The following DYNC1I1 variants were observed in gnomAD, a reference collection of about 807,000 sequenced individuals.
DYNC1I1 encodes the protein cytoplasmic dynein 1 intermediate chain 1.
DYNC1I1 carries 43 observed loss-of-function variants against 86.6 expected under a neutral mutation model. The observed-to-expected ratio is 0.50, with a 90% CI of 0.39 to 0.64. DYNC1I1 has a LOEUF of 0.64. DYNC1I1 is among the 30% of genes least tolerant of loss of function. The pLI is 0.00. For synonymous variants in DYNC1I1, 262 were observed against 283.7 expected (o/e 0.92, Z 0.77); for missense variants, 604 against 788.8 (o/e 0.77, Z 2.81).
At chr7:96,091,693 A>G (rs964231030) in intron 16 of DYNC1I1, among the ~76,000 whole-genome samples, 3 of 152,226 alleles carry the variant, frequency 2.0e-5, no homozygotes, top group Non-Finnish European at 4.4e-5. Context: ...TTACTAAAAA[A>G]TGAGGAAGGT....
chr7:96,025,219 C>T (rs1260673095), intron 10 of DYNC1I1, among the ~76,000 whole-genome samples: 1 of 152,114 alleles, frequency 6.6e-6, no homozygotes, highest in African/African-American at 2.4e-5. Flanking sequence ...ACTACGTTAG[C>T]ATTTTTACAT....
At chr7:95,947,159 C>T (rs1792425274) in intron 6 of DYNC1I1, among the ~76,000 whole-genome samples, 1 of 152,144 alleles carries the variant, frequency 6.6e-6, no homozygotes. Context: ...CTATGAAGGA[C>T]AGTTTGTGAA....
At chr7:96,084,909 A>G (rs1339134675) in intron 16 of DYNC1I1, among the ~76,000 whole-genome samples, 1 of 152,160 alleles carries the variant, frequency 6.6e-6, no homozygotes, top group Non-Finnish European at 1.5e-5. Context: ...TTGGGGAAAG[A>G]TCTCTGAGAT....
At chr7:95,915,005 T>C (rs905641296) in intron 6 of DYNC1I1, among the ~76,000 whole-genome samples, 1 of 152,348 alleles carries the variant, frequency 6.6e-6, no homozygotes, top group African/African-American at 2.4e-5. Context: ...TTTTCTACTC[T>C]GTGCCCCTCG....
chr7:96,086,805 G>C lies in DYNC1I1; in HGVS notation c.1776+6317G>C, dbSNP rs866370034. ...TTTGAATATATTTTAAAGCCAAAAC[G>C]AAAAATCAAGAGAGAAAAGTTTATT... On this transcript the variant is annotated intron_variant, in intron 16 of 16. Coordinates refer to ENST00000447467, the MANE Select transcript of DYNC1I1 (RefSeq NM_001135556.2). 7.2e-5 allele frequency among the ~76,000 whole-genome samples: 11 copies of C among 152,096 alleles called. No individual in the cohort carries two copies. In the South Asian group the frequency reaches 1.5e-3, roughly 20 times the overall value.
chr7:96,108,310 C>T (rs183114578), intron 16 of DYNC1I1, among the ~76,000 whole-genome samples: 58 of 152,188 alleles, frequency 3.8e-4, no homozygotes, highest in East Asian at 1.9e-3. Context: ...CTTTTTATAA[C>T]GTTGAGCTCA....
chr7:95,994,391 G>T (rs2115746043), intron 9 of DYNC1I1, among the ~76,000 whole-genome samples: 1 of 152,264 alleles, frequency 6.6e-6, no homozygotes, highest in South Asian at 2.1e-4. Context: ...ATGATACAAA[G>T]GGAGCTGATA....
At chr7:95,928,889 GT>G (rs1791815148) in intron 6 of DYNC1I1, among the ~76,000 whole-genome samples, 1 of 152,060 alleles carries the variant, frequency 6.6e-6, no homozygotes, top group Admixed American at 6.6e-5. Flanking sequence ...GGTTCTTGCT[GT>G]TTTCTTGTGC....
At chr7:95,931,802 T>A (rs944398454) in intron 6 of DYNC1I1, among the ~76,000 whole-genome samples, 3 of 152,216 alleles carry the variant, frequency 2.0e-5, no homozygotes, top group Non-Finnish European at 4.4e-5. Context: ...TTTGTTGATC[T>A]CTGTTCTAGA....
chr7:96,064,143 T>C (rs1789879547), intron 14 of DYNC1I1, among the ~76,000 whole-genome samples: 1 of 152,092 alleles, frequency 6.6e-6, no homozygotes, highest in Non-Finnish European at 1.5e-5. Flanking sequence ...TCAGTGCTTG[T>C]TTCTAAGCAT....
chr7:95,828,194 TC>T, intron 5 of DYNC1I1, 78 bp downstream of exon 5: 2 of 1,497,080 alleles, frequency 1.3e-6, no homozygotes, highest in Non-Finnish European at 1.9e-6. Flanking sequence ...CTGTTGTTGC[TC>T]TTGTGTTCTC....
chr7:96,093,387 G>A (rs576971988), intron 16 of DYNC1I1, among the ~76,000 whole-genome samples: 8 of 152,264 alleles, frequency 5.3e-5, no homozygotes, highest in Non-Finnish European at 8.8e-5. Context: ...GTCCAAATCT[G>A]AGGTTCATTT....
chr7:95,992,141 T>C lies in DYNC1I1; in HGVS notation c.844-3807T>C, dbSNP rs1400849765. On this transcript the variant is annotated intron_variant, in intron 9 of 16. Transcript: ENST00000447467. The stretch of plus-strand genomic sequence containing the variant: ...TCCCAAAGTGCTGGGATTACAGGCA[T>C]GAGCTAGCATACCTGGCCCCATGCT... Among the ~76,000 whole-genome samples the C allele has an allele frequency of 2.0e-5, 3 of 152,214 alleles. No homozygotes were observed. In the East Asian group the frequency reaches 5.8e-4, roughly 30 times the overall value.
intron 14 of DYNC1I1, among the ~76,000 whole-genome samples, chr7:96,065,689 C>A (rs573081810): frequency 6.6e-5 from 10 of 152,226 alleles, no homozygotes; most frequent in South Asian, 6.2e-4. Flanking sequence ...CGCCGAGCAT[C>A]CCGGCTCTTT....
chr7:96,065,378 C>CTTTTTTTTTTT (rs34423655), intron 14 of DYNC1I1, among the ~76,000 whole-genome samples: 34 of 127,578 alleles, frequency 2.7e-4, no homozygotes, highest in African/African-American at 9.2e-4. Context: ...TTCTTTCTTT[C>CTTTTTTTTTTT]TTTTTTTTTT....
chr7:96,005,709 G>A (rs533773253), intron 10 of DYNC1I1, among the ~76,000 whole-genome samples: 4 of 152,086 alleles, frequency 2.6e-5, no homozygotes, highest in South Asian at 2.1e-4. Context: ...GAAAACATTC[G>A]GCAGATATGT....
chr7:95,802,025 C>T (rs1794589842), intron 1 of DYNC1I1, among the ~76,000 whole-genome samples: 1 of 152,032 alleles, frequency 6.6e-6, no homozygotes, highest in African/African-American at 2.4e-5. Flanking sequence ...TCTGTTAAGA[C>T]TTTGAATTGC....
chr7:96,090,940 C>T (rs1790822640), intron 16 of DYNC1I1, among the ~76,000 whole-genome samples: 1 of 152,104 alleles, frequency 6.6e-6, no homozygotes, highest in African/African-American at 2.4e-5. Flanking sequence ...TAGACTCTCC[C>T]GGGAGTTAAA....
chr7:95,818,746 C>T, intron 4 of DYNC1I1: 1 of 419,888 alleles, frequency 2.4e-6, no homozygotes, highest in Non-Finnish European at 4.2e-6. Flanking sequence ...ATGTTTCCAC[C>T]ACCAGAGTAG....
Sources: allele counts gnomAD v4.1 joint callset (sites outside exome capture counted in the v4.1 genomes callset), GRCh38; gene constraint gnomAD v4.1.1; transcripts MANE v1.5; gene names NCBI Gene and HGNC (gene_info 2026-07-23, HGNC 2026-07-21).